The following PGBD5 variants were observed in gnomAD, a reference collection of about 807,000 sequenced individuals.
PGBD5 encodes piggyBac transposable element-derived protein 5.
A neutral mutation model predicts 47.9 loss-of-function variants in PGBD5; 14 were observed. The observed-to-expected ratio is 0.29, with a 90% confidence interval of 0.19 to 0.46. The LOEUF (loss-of-function observed/expected upper bound fraction) is 0.46. Ranked by LOEUF, PGBD5 falls within the 20% of genes least tolerant of loss-of-function variation. PGBD5 has a pLI of 1.00. For missense variants in PGBD5, 635 were observed against 716.0 expected (o/e 0.89, Z 1.29); for synonymous variants, 316 against 306.3 (o/e 1.03, Z -0.33).
At chr1:230,346,602 C>T (rs562668543) in intron 3 of PGBD5, among the ~76,000 whole-genome samples, 1 of 152,242 alleles carries the variant, frequency 6.6e-6, no homozygotes, top group African/African-American at 2.4e-5. Context: ...ATAAATAATT[C>T]CCTGCCTGCC....
intron 1 of PGBD5, among the ~76,000 whole-genome samples, chr1:230,401,989 T>C (rs1178322247): frequency 6.6e-6 from 1 of 152,162 alleles, no homozygotes; most frequent in East Asian, 1.9e-4. Context: ...TCTCACACTG[T>C]AAGACAGCAG....
Position 230,317,672 on chromosome 1 carries a change from C to A in PGBD5, c.*5753G>T, listed in dbSNP as rs376758341. 2.0e-5 allele frequency: 3 copies of A among 152,280 alleles called. No homozygotes were observed. Among genetic ancestry groups the A allele is most frequent in the African/African-American group, 7.2e-5 (3 of 41,538 alleles). The allele number at this position is 152,280 out of a possible 1,614,324, so 9.4% of individuals were successfully genotyped here. On this transcript the variant is annotated 3_prime_UTR_variant, in exon 7 of 7. Coordinates refer to ENST00000391860, the MANE Select transcript of PGBD5 (RefSeq NM_001258311.2). ...ACTGAATTTCCTTGGCCATAAAGTGCCCCTTCCACCTGAGGGAGCCAGGAG... is the reference window on the plus strand; with the variant it reads ...ACTGAATTTCCTTGGCCATAAAGTGACCCTTCCACCTGAGGGAGCCAGGAG...
At chr1:230,368,139 A>T in intron 1 of PGBD5, 1 of 1,367,832 alleles carries the variant, frequency 7.3e-7, no homozygotes. Context: ...GGTGGTGAGG[A>T]GGAGGCTGCG....
chr1:230,340,098 T>C (rs1667387987), intron 3 of PGBD5, among the ~76,000 whole-genome samples: 1 of 152,202 alleles, frequency 6.6e-6, no homozygotes, highest in Non-Finnish European at 1.5e-5. Context: ...ACAATAAAAA[T>C]ATACTATTTT....
At chr1:230,332,027 A>ACACACACAT in intron 5 of PGBD5, among the ~76,000 whole-genome samples, 1 of 146 alleles carries the variant, frequency 6.8e-3, no homozygotes, top group Admixed American at 0.05. Context: ...CACACACACC[A>ACACACACAT]CACACACACC....
intron 1 of PGBD5, among the ~76,000 whole-genome samples, chr1:230,382,152 G>A (rs555063488): frequency 9.0e-4 from 137 of 152,320 alleles, no homozygotes; most frequent in Admixed American, 1.5e-3. Flanking sequence ...AGGCCAGCAG[G>A]AGCCCAGCAG....
At chr1:230,366,121 A>G (rs2632574) in intron 1 of PGBD5, among the ~76,000 whole-genome samples, 108,259 of 152,126 alleles carry the variant, frequency 0.71, 38,951 homozygotes, top group Non-Finnish European at 0.74. Context: ...GGGCTAATCC[A>G]TGGCAATTTG....
chr1:230,333,178 G>C, intron 4 of PGBD5, 137 bp from the exon 5 acceptor site: 1 of 846,102 alleles, frequency 1.2e-6, no homozygotes. Context: ...ACCCTCTAGA[G>C]ACCCCTCTAG....
intron 3 of PGBD5, among the ~76,000 whole-genome samples, chr1:230,350,669 C>T (rs578211923): frequency 7.9e-5 from 12 of 152,288 alleles, no homozygotes; most frequent in East Asian, 3.9e-4. Flanking sequence ...AACATTGCTA[C>T]GGCCTGAGCC....
chr1:230,425,480 G>C lies in PGBD5; in HGVS notation c.331+118C>G. On this transcript the variant is annotated intron_variant, in intron 1 of 6. Coordinates refer to ENST00000391860, the MANE Select transcript of PGBD5 (RefSeq NM_001258311.2). This position sits in a 1 kb window ranked among gnomAD's most constrained non-coding sequence, Gnocchi z 4.7. ...GCTCCTGCAGCCTCATTTGTTTCCG[G>C]AGAGACACCCACAAGCCAGCCCACG... is the stretch of plus-strand genomic sequence containing the variant. The C allele has an allele frequency of 1.3e-6, 1 of 758,682 alleles. No homozygotes were observed. The highest frequency in any genetic ancestry group is 1.8e-6 in the Non-Finnish European group (1 of 563,896). The allele number at this position is 758,682 out of a possible 1,614,324, so 47.0% of individuals were successfully genotyped here.
chr1:230,425,499 G>A lies in PGBD5; in HGVS notation c.331+99C>T, dbSNP rs12061454. The A allele has an allele frequency of 2.2e-6, 2 of 916,180 alleles. No individual in the cohort carries two copies. The highest frequency in any genetic ancestry group is 5.6e-5 in the South Asian group (1 of 17,802). 56.8% of individuals were successfully genotyped at this position (916,180 alleles called of 1,614,324 possible). A position where few individuals can be genotyped will look rare whatever the true frequency, so the allele number is the denominator to read the frequency against. On this transcript the variant is annotated intron_variant, in intron 1 of 6. Coordinates refer to ENST00000391860, the MANE Select transcript of PGBD5 (RefSeq NM_001258311.2). The surrounding 1 kb of genome is among the most constrained non-coding windows in gnomAD (Gnocchi z 4.7). Reference sequence around the variant, plus strand: ...TTTCCGGAGAGACACCCACAAGCCAGCCCACGGAGAGTCTGGACTCGCCCG... The same window carrying A: ...TTTCCGGAGAGACACCCACAAGCCAACCCACGGAGAGTCTGGACTCGCCCG...
intron 1 of PGBD5, among the ~76,000 whole-genome samples, chr1:230,388,002 T>C (rs1236796461): frequency 6.6e-6 from 1 of 152,148 alleles, no homozygotes; most frequent in Non-Finnish European, 1.5e-5. Flanking sequence ...GGCTGCTCCC[T>C]GCGTCCCCCA....
At chr1:230,358,123 C>T (rs1667685220) in intron 1 of PGBD5, among the ~76,000 whole-genome samples, 1 of 152,112 alleles carries the variant, frequency 6.6e-6, no homozygotes, top group Admixed American at 6.5e-5. Context: ...CCAACACTCC[C>T]CCCAGACAGC....
intron 1 of PGBD5, among the ~76,000 whole-genome samples, chr1:230,423,415 GATACTGTGCT>G (rs1233477276): frequency 6.6e-6 from 1 of 152,154 alleles, no homozygotes; most frequent in Admixed American, 6.5e-5. Flanking sequence ...TAGCGTTTTA[GATACTGTGCT>G]CTGGTAAACC....
rs567587910 is a variant in PGBD5, at chr1:230,362,365, C to T, written c.332-5044G>A. ...AGGCGTCGACTCCATCCACAGCTGTCGCTGCCTCTGGCCTGGATGACAGAC... is the reference window on the plus strand; with the variant it reads ...AGGCGTCGACTCCATCCACAGCTGTTGCTGCCTCTGGCCTGGATGACAGAC... On this transcript the variant is annotated intron_variant, in intron 1 of 6. Coordinates refer to ENST00000391860, the MANE Select transcript of PGBD5 (RefSeq NM_001258311.2). 47 of 1,366,386 alleles carry T rather than the reference C, an allele frequency of 3.4e-5. No individual in the cohort carries two copies. The East Asian group carries it at 4.1e-4, about 12-fold the overall frequency. 84.6% of individuals were successfully genotyped at this position (1,366,386 alleles called of 1,614,324 possible). A position where few individuals can be genotyped will look rare whatever the true frequency, so the allele number is the denominator to read the frequency against.
rs148201662 is a variant in PGBD5 at position 230,362,124 on chromosome 1, G to A, written c.332-4803C>T. On this transcript the variant is annotated intron_variant, in intron 1 of 6. Transcript: ENST00000391860. The stretch of plus-strand genomic sequence containing the variant: ...ACTTGCCCAAGGGCGCGGGAAGCCA[G>A]TGAAGGGCTGTGAGCACCACGTGAC... 2.4e-4 allele frequency: 272 copies of A among 1,123,328 alleles called. No individual in the cohort carries two copies. The African/African-American group carries it at 4.3e-3, about 18-fold the overall frequency. The allele number at this position is 1,123,328 out of a possible 1,614,324, so 69.6% of individuals were successfully genotyped here.
At chr1:230,397,501 G>C (rs867303869) in intron 1 of PGBD5, among the ~76,000 whole-genome samples, 3 of 152,284 alleles carry the variant, frequency 2.0e-5, no homozygotes, top group African/African-American at 4.8e-5. Flanking sequence ...TTATAAAGAT[G>C]AATCTTTAAA....
At chr1:230,325,246 A>G (rs950167693) in intron 6 of PGBD5, 64 bp downstream of exon 6, 11 of 1,188,256 alleles carry the variant, frequency 9.3e-6, no homozygotes, top group African/African-American at 4.5e-5. Context: ...ATCTGCCATT[A>G]CATCTCTTCC....
chr1:230,395,055 CCT>C (rs778427566), intron 1 of PGBD5, among the ~76,000 whole-genome samples: 22 of 101,102 alleles, frequency 2.2e-4, no homozygotes, highest in African/African-American at 2.0e-4. Context: ...TCCCAGAGCT[CCT>C]CTCTCACTCC....
Sources: gnomAD v4.1 joint callset for allele counts (sites outside exome capture counted in the v4.1 genomes callset) on GRCh38, gnomAD v4.1.1 for gene constraint, Gnocchi (gnomAD v3.1) non-coding constraint, MANE v1.5 for transcripts, NCBI Gene and HGNC (gene_info 2026-07-23, HGNC 2026-07-21) for gene names.